CRAT: variants seen among roughly 807,000 people sequenced by gnomAD.
CRAT encodes the protein carnitine O-acetyltransferase.
In CRAT, 66 loss-of-function variants were observed where a neutral mutation model predicts 73.7. That is an observed-to-expected ratio of 0.90 (90% CI 0.73 to 1.10). The LOEUF is 1.10. Among genes scored for constraint, CRAT ranks in the 50% least tolerant of loss-of-function variants. The pLI is 0.00. For missense variants in CRAT, 745 were observed against 846.9 expected, an observed-to-expected ratio of 0.88 and a Z score of 1.49; for synonymous variants, 321 against 343.2, an observed-to-expected ratio of 0.94 and a Z score of 0.71.
chr9:129,095,970 C>T (rs1161225266), intron 13 of CRAT, 28 bp downstream of exon 13: 2 of 1,613,480 alleles, frequency 1.2e-6, no homozygotes. Flanking sequence ...TGCCTCCAGC[C>T]CCCGGGGCAC....
Position 129,097,965 on chromosome 9 carries a change from G to A in CRAT, c.1464+48C>T, listed in dbSNP as rs200404419. ...TTGTGTGTTGACTGAGTGAGCAGGAGGGAGGGGCTCAGGCCCAGCTCACCC... is the reference window on the plus strand; with the variant it reads ...TTGTGTGTTGACTGAGTGAGCAGGAAGGAGGGGCTCAGGCCCAGCTCACCC... On this transcript the variant is annotated intron_variant, in intron 11 of 13. Coordinates refer to ENST00000318080, the MANE Select transcript of CRAT (RefSeq NM_000755.5). 44 of 1,598,962 alleles carry A rather than the reference G, an allele frequency of 2.8e-5. No homozygotes were observed. The Admixed American group carries it at 3.2e-4, about 12-fold the overall frequency.
intron 1 of CRAT, among the ~76,000 whole-genome samples, chr9:129,109,889 G>A (rs1299348531): frequency 2.7e-5 from 4 of 147,104 alleles, no homozygotes; most frequent in African/African-American, 1.0e-4. Flanking sequence ...CTAGAGGGGA[G>A]GATATAGCCA....
chr9:129,107,472 C>T lies in CRAT; in HGVS notation c.291+342G>A, dbSNP rs1415163354. 1 of 612,344 alleles carries T rather than the reference C, an allele frequency of 1.6e-6. No individual in the cohort carries two copies. The highest frequency in any genetic ancestry group is 2.6e-5 in the Admixed American group (1 of 38,886). The allele number at this position is 612,344 out of a possible 1,614,324, so 37.9% of individuals were successfully genotyped here. ...ACCTGGGCGATCGGTCACTGAGTGA[C>T]ACATATCCCCTGCCTGAGGCTGTCC... is the stretch of plus-strand genomic sequence containing the variant. On this transcript the variant is annotated intron_variant, in intron 2 of 13. Coordinates refer to ENST00000318080, the MANE Select transcript of CRAT (RefSeq NM_000755.5). This position sits in a 1 kb window ranked among gnomAD's most constrained non-coding sequence, Gnocchi z 5.0.
chr9:129,107,710 C>G lies in CRAT; in HGVS notation c.291+104G>C, dbSNP rs761589364. On this transcript the variant is annotated intron_variant, in intron 2 of 13. Coordinates refer to ENST00000318080, the MANE Select transcript of CRAT (RefSeq NM_000755.5). The surrounding 1 kb of genome is among the most constrained non-coding windows in gnomAD (Gnocchi z 5.0). ...GTGCCAGACACAGAGTATGTGCTCACGAAACTCTGGGCAGCAAACGAACGG... is the reference window on the plus strand; with the variant it reads ...GTGCCAGACACAGAGTATGTGCTCAGGAAACTCTGGGCAGCAAACGAACGG... The G allele has an allele frequency of 6.5e-7, 1 of 1,544,342 alleles. No individual in the cohort carries two copies. Among genetic ancestry groups the G allele is most frequent in the Non-Finnish European group, 8.9e-7 (1 of 1,126,484 alleles).
In CRAT at chr9:129,095,238, C is replaced by CT; in HGVS notation, c.*158dup. The CT allele has an allele frequency of 2.5e-6, 2 of 799,218 alleles. No homozygotes were observed. Among genetic ancestry groups the CT allele is most frequent in the East Asian group, 5.4e-5 (2 of 37,322 alleles). The allele number at this position is 799,218 out of a possible 1,614,324, so 49.5% of individuals were successfully genotyped here. ...CCCACGGAAGGCACTTGGCTGGGGC[C>CT]TGCAGGCCCCCTGGAGGATGCGGTC... On this transcript the variant is annotated 3_prime_UTR_variant, in exon 14 of 14. Transcript: ENST00000318080.
At position 129,098,085 on chromosome 9, in the gene CRAT, G is replaced by T. The variant is rs1182556938; in HGVS notation, c.1392C>A (p.Arg464=). 2 of 1,613,972 alleles carry T rather than the reference G, an allele frequency of 1.2e-6. No individual in the cohort carries two copies. Among genetic ancestry groups the T allele is most frequent in the African/African-American group, 2.7e-5 (2 of 74,950 alleles). The change falls in exon 11 of 14, where the codon CGC becomes CGA. Residue 464 remains arginine, a synonymous_variant. Coordinates refer to ENST00000318080, the MANE Select transcript of CRAT (RefSeq NM_000755.5). ...SASLRMFHLG[R]TDTIRSASMD... is the part of the protein sequence containing the mutation. ...TGGAAGCCGAGCGGATGGTGTCGGT[G>T]CGGCCCAGGTGAAACATGCGCAGGG...
At position 129,100,539 on chromosome 9, in the gene CRAT, C is replaced by A; in HGVS notation, c.956G>T (p.Gly319Val). Residue 319 changes from glycine to valine, a missense_variant, in exon 7 of 14, where the codon GGC (glycine) becomes GTC (valine). Physicochemically the swap from Gly to Val is moderately radical, Grantham distance 109. Coordinates refer to ENST00000318080, the MANE Select transcript of CRAT (RefSeq NM_000755.5). ...CAGCGTCTTGTCGAACCAGCGGTTG[C>A]CGCTGTTGAGCCTGCTGCCGCCCCC... ...LHGGGSRLNSGNRWFDKTLQF... is the reference protein window; with the variant it reads ...LHGGGSRLNSVNRWFDKTLQF... 6.2e-7 allele frequency: 1 copy of A among 1,613,634 alleles called. No individual in the cohort carries two copies. The highest frequency in any genetic ancestry group is 1.1e-5 in the South Asian group (1 of 91,066).
intron 13 of CRAT, 102 bp downstream of exon 13, chr9:129,095,896 C>T (rs757624851): frequency 1.5e-5 from 23 of 1,508,790 alleles, no homozygotes; most frequent in Admixed American, 5.2e-5. Context: ...CTCTGGAACT[C>T]AGCTGTGTTG....
At chr9:129,099,716 G>T (rs554780837) in intron 8 of CRAT, 150 bp downstream of exon 8, 2 of 578,100 alleles carry the variant, frequency 3.5e-6, no homozygotes, top group South Asian at 2.6e-5. Flanking sequence ...GATTACAGGC[G>T]TGAGCCACCA....
At chr9:129,098,450 CAG>C in intron 9 of CRAT, 79 bp from the exon 10 acceptor site, 1 of 1,593,852 alleles carries the variant, frequency 6.3e-7, no homozygotes, top group Non-Finnish European at 8.6e-7. Flanking sequence ...GGTGTCATGA[CAG>C]AGCTGGCACA....
At position 129,097,301 on chromosome 9, in the gene CRAT, CT is replaced by C; in HGVS notation, c.1475del (p.Lys492ArgfsTer32). The part of the protein sequence containing the change: ...MDDSSVTEHQ[K>X]VELLRKAVQA... Reference sequence around the variant, plus strand: ...GCACGGCCTTCCGCAGCAGCTCCACCTTCTGGTGCTCCTAGAGTGGTGAGGG... The same window carrying C: ...GCACGGCCTTCCGCAGCAGCTCCACCTCTGGTGCTCCTAGAGTGGTGAGGG... On this transcript the variant is annotated frameshift_variant, in exon 12 of 14. Coordinates refer to ENST00000318080, the MANE Select transcript of CRAT (RefSeq NM_000755.5). LOFTEE classifies it high-confidence loss of function. The C allele has an allele frequency of 6.4e-7, 1 of 1,566,492 alleles. No homozygotes were observed. Among genetic ancestry groups the C allele is most frequent in the Non-Finnish European group, 8.6e-7 (1 of 1,156,082 alleles).
chr9:129,099,609 T>C (rs947542900), intron 8 of CRAT, among the ~76,000 whole-genome samples: 1 of 148,274 alleles, frequency 6.7e-6, no homozygotes, highest in Non-Finnish European at 1.5e-5. Context: ...TTTTTTTTTG[T>C]ATTTTTAGTA....
At position 129,107,735 on chromosome 9, in the gene CRAT, G is replaced by A. The variant is rs1320321607; in HGVS notation, c.291+79C>T. On this transcript the variant is annotated intron_variant, in intron 2 of 13. Transcript: ENST00000318080. The surrounding 1 kb of genome is among the most constrained non-coding windows in gnomAD (Gnocchi z 5.0). ...CGAAACTCTGGGCAGCAAACGAACGGCCGTGCCAGAGCAGTGGGCACTGGA... is the reference window on the plus strand; with the variant it reads ...CGAAACTCTGGGCAGCAAACGAACGACCGTGCCAGAGCAGTGGGCACTGGA... 6.2e-7 allele frequency: 1 copy of A among 1,603,694 alleles called. No individual in the cohort carries two copies. Among genetic ancestry groups the A allele is most frequent in the Non-Finnish European group, 8.5e-7 (1 of 1,172,948 alleles).
chr9:129,099,509 C>T (rs10988202), intron 8 of CRAT, among the ~76,000 whole-genome samples: 90,386 of 149,204 alleles, frequency 0.61, 29,175 homozygotes, highest in Non-Finnish European at 0.71. Context: ...TCAACGCAAC[C>T]TCTGCCTCCT....
intron 12 of CRAT, among the ~76,000 whole-genome samples, 184 bp from the exon 13 acceptor site, chr9:129,096,319 G>A (rs557778369): frequency 3.3e-5 from 5 of 152,358 alleles, no homozygotes; most frequent in South Asian, 4.1e-4. Context: ...AGGGAGGGGC[G>A]GGGATTTGCC....
At chr9:129,109,769 C>T (rs1848276484) in intron 1 of CRAT, among the ~76,000 whole-genome samples, 1 of 152,124 alleles carries the variant, frequency 6.6e-6, no homozygotes, top group Non-Finnish European at 1.5e-5. Flanking sequence ...GAGTGAGACA[C>T]CAGCAACATA....
chr9:129,097,265 T>TCGGTGGGCCTGCA lies in CRAT; in HGVS notation c.1499_1511dup (p.Gly505AlafsTer17). Reference sequence around the variant, plus strand: ...GCTCACTTACCCGGTCGGTGTAGCCTCGGTGGGCCTGCACGGCCTTCCGCA... The same window carrying TCGGTGGGCCTGCA: ...GCTCACTTACCCGGTCGGTGTAGCCTCGGTGGGCCTGCACGGTGGGCCTGCACGGCCTTCCGCA... On this transcript the variant is annotated frameshift_variant, in exon 12 of 14. Coordinates refer to ENST00000318080, the MANE Select transcript of CRAT (RefSeq NM_000755.5). LOFTEE classifies it high-confidence loss of function. The TCGGTGGGCCTGCA allele has an allele frequency of 6.7e-7, 1 of 1,487,098 alleles. No homozygotes were observed. Among genetic ancestry groups the TCGGTGGGCCTGCA allele is most frequent in the East Asian group, 2.6e-5 (1 of 39,130 alleles). The allele number at this position is 1,487,098 out of a possible 1,614,324, so 92.1% of individuals were successfully genotyped here. A position where few individuals can be genotyped will look rare whatever the true frequency, so the allele number is the denominator to read the frequency against.
intron 8 of CRAT, among the ~76,000 whole-genome samples, chr9:129,099,051 T>G (rs1261543707): frequency 1.3e-5 from 2 of 151,550 alleles, no homozygotes; most frequent in Non-Finnish European, 2.9e-5. Context: ...CTCGGCTCAC[T>G]GCAACCTCCA....
chr9:129,109,342 A>G, intron 1 of CRAT: 1 of 1,198,228 alleles, frequency 8.3e-7, no homozygotes, highest in South Asian at 1.3e-5. Context: ...TGGGACAGCC[A>G]GAAGCCCTGC....
Sources: allele counts gnomAD v4.1 joint callset (sites outside exome capture counted in the v4.1 genomes callset), GRCh38; gene constraint gnomAD v4.1.1; non-coding constraint Gnocchi (gnomAD v3.1); transcripts MANE v1.5; gene names NCBI Gene and HGNC (gene_info 2026-07-23, HGNC 2026-07-21).